The following PDGFD variants were observed in gnomAD, a reference collection of about 807,000 sequenced individuals.
The protein encoded by PDGFD is platelet-derived growth factor D.
Under a neutral mutation model 44.7 loss-of-function variants are expected in PDGFD, and 30 were observed. The observed-to-expected ratio is 0.67, with a 90% CI of 0.50 to 0.91. PDGFD has a LOEUF of 0.91. PDGFD is among the 40% of genes least tolerant of loss of function. The pLI is 0.00. For synonymous variants in PDGFD, 173 were observed against 168.4 expected (o/e 1.03, Z -0.21); for missense variants, 445 against 457.8 (o/e 0.97, Z 0.25).
intron 1 of PDGFD, among the ~76,000 whole-genome samples, chr11:104,035,561 CTT>C (rs3050598): frequency 0.043 from 5,006 of 115,216 alleles, 100 homozygotes; most frequent in African/African-American, 0.091. Context: ...ACTTCTTTTT[CTT>C]TTTTTTTTTT....
rs1474450360 is a variant in PDGFD, at chr11:103,996,235, C to A, written c.340G>T (p.Val114Leu). ...GTTTCGGATATATCTTCAACTTCCA[C>A]AAAATCATACCTAGAATCAATTGGA... ...AENDICRYDF[V>L]EVEDISETST... Residue 114 changes from valine (V) to leucine (L), a missense_variant, in exon 3 of 7, where the codon GTG becomes TTG. Coordinates refer to ENST00000393158, the MANE Select transcript of PDGFD (RefSeq NM_025208.5). 6.2e-7 allele frequency: 1 copy of A among 1,609,792 alleles called. No individual in the cohort carries two copies. The highest frequency in any genetic ancestry group is 2.2e-5 in the East Asian group (1 of 44,714).
intron 6 of PDGFD, among the ~76,000 whole-genome samples, chr11:103,918,614 T>TA (rs1858161997): frequency 6.6e-6 from 1 of 152,154 alleles, no homozygotes; most frequent in South Asian, 2.1e-4. Context: ...CTCTGTGTTT[T>TA]ATATTAAGCA....
intron 1 of PDGFD, among the ~76,000 whole-genome samples, chr11:104,050,988 GAAGTT>G (rs1413459757): frequency 6.6e-6 from 1 of 152,144 alleles, no homozygotes; most frequent in African/African-American, 2.4e-5. Context: ...AAAATGAACA[GAAGTT>G]GAGTTTGCCC....
At chr11:104,013,514 G>T (rs1244387912) in intron 1 of PDGFD, among the ~76,000 whole-genome samples, 3 of 152,114 alleles carry the variant, frequency 2.0e-5, no homozygotes, top group African/African-American at 4.8e-5. Flanking sequence ...CCTGCAAGGG[G>T]TTTGAGTGCA....
intron 5 of PDGFD, among the ~76,000 whole-genome samples, chr11:103,934,399 T>C (rs191456869): frequency 6.6e-6 from 1 of 152,316 alleles, no homozygotes; most frequent in East Asian, 1.9e-4. Context: ...TAGAAGGCCA[T>C]GCCCACCTTG....
intron 1 of PDGFD, among the ~76,000 whole-genome samples, chr11:104,057,871 T>C (rs184774057): frequency 1.2e-3 from 181 of 152,220 alleles, no homozygotes; most frequent in Admixed American, 3.7e-3. Context: ...CCCATACATA[T>C]AGGGTCAATT....
intron 1 of PDGFD, among the ~76,000 whole-genome samples, chr11:104,091,061 A>C (rs1200459142): frequency 6.6e-6 from 1 of 152,222 alleles, no homozygotes; most frequent in Non-Finnish European, 1.5e-5. Context: ...CAGCTAAAAC[A>C]GTGTGATTTA....
chr11:104,045,202 C>A (rs937844048), intron 1 of PDGFD, among the ~76,000 whole-genome samples: 1 of 151,930 alleles, frequency 6.6e-6, no homozygotes, highest in Non-Finnish European at 1.5e-5. Flanking sequence ...TGAAAATAGG[C>A]CTGAATGATC....
chr11:104,120,213 C>G (rs1861752142), intron 1 of PDGFD, among the ~76,000 whole-genome samples: 1 of 151,498 alleles, frequency 6.6e-6, no homozygotes, highest in African/African-American at 2.4e-5. Context: ...CCACTATCAT[C>G]ATCCCAATCA....
chr11:104,118,740 ATAT>A (rs1260589388), intron 1 of PDGFD, among the ~76,000 whole-genome samples: 4 of 125,154 alleles, frequency 3.2e-5, no homozygotes, highest in African/African-American at 1.2e-4. Context: ...ATATTAATAT[ATAT>A]TATTATATAG....
At chr11:104,132,422 T>C (rs1223726458) in intron 1 of PDGFD, among the ~76,000 whole-genome samples, 1 of 152,110 alleles carries the variant, frequency 6.6e-6, no homozygotes, top group Non-Finnish European at 1.5e-5. Flanking sequence ...TCTCTATAGT[T>C]GGAAACAAAA....
chr11:103,953,657 C>T (rs1858792572), intron 3 of PDGFD, among the ~76,000 whole-genome samples: 1 of 151,996 alleles, frequency 6.6e-6, no homozygotes, highest in South Asian at 2.1e-4. Flanking sequence ...CTGTACTTAG[C>T]ACAAATCAAG....
chr11:104,074,154 T>A (rs139438948), intron 1 of PDGFD, among the ~76,000 whole-genome samples: 1 of 152,216 alleles, frequency 6.6e-6, no homozygotes, highest in African/African-American at 2.4e-5. Flanking sequence ...TAATGCAGGA[T>A]GAGTAGATTC....
At chr11:104,051,946 T>C (rs1345283545) in intron 1 of PDGFD, among the ~76,000 whole-genome samples, 1 of 152,190 alleles carries the variant, frequency 6.6e-6, no homozygotes, top group Non-Finnish European at 1.5e-5. Flanking sequence ...GCAACCACTA[T>C]TTCCATCTAG....
At chr11:104,135,110 T>A (rs1255947844) in intron 1 of PDGFD, among the ~76,000 whole-genome samples, 1 of 151,840 alleles carries the variant, frequency 6.6e-6, no homozygotes, top group East Asian at 1.9e-4. Flanking sequence ...ATATCTGTTA[T>A]ATTAAATAGA....
intron 1 of PDGFD, among the ~76,000 whole-genome samples, chr11:104,134,651 C>T (rs985886907): frequency 7.2e-5 from 11 of 152,186 alleles, no homozygotes; most frequent in African/African-American, 2.7e-4. Flanking sequence ...ATCCTACACA[C>T]ACTGTATCTT....
intron 1 of PDGFD, among the ~76,000 whole-genome samples, chr11:104,005,589 C>T (rs1859689607): frequency 1.3e-5 from 2 of 152,186 alleles, no homozygotes; most frequent in Non-Finnish European, 2.9e-5. Context: ...GTTCCAATAA[C>T]AGCTAACATT....
intron 3 of PDGFD, among the ~76,000 whole-genome samples, chr11:103,959,612 G>A (rs1858906802): frequency 6.6e-6 from 1 of 152,180 alleles, no homozygotes. Context: ...GGCCCATTAG[G>A]TGAACTTGTT....
chr11:104,131,205 GT>G (rs1312217233), intron 1 of PDGFD, among the ~76,000 whole-genome samples: 3 of 152,088 alleles, frequency 2.0e-5, no homozygotes, highest in Non-Finnish European at 4.4e-5. Context: ...ATAACTTCTT[GT>G]TTTAATGTCA....
Sources: allele counts gnomAD v4.1 joint callset (sites outside exome capture counted in the v4.1 genomes callset), GRCh38; gene constraint gnomAD v4.1.1; transcripts MANE v1.5; gene names NCBI Gene and HGNC (gene_info 2026-07-23, HGNC 2026-07-21).